ENPP2: variants seen among roughly 807,000 people sequenced by gnomAD.
ENPP2 encodes autotaxin.
ENPP2 carries 51 observed loss-of-function variants against 120.2 expected under a neutral mutation model. The ratio of observed to expected loss-of-function variants is 0.42; its 90% CI spans 0.34 to 0.54. The LOEUF (loss-of-function observed/expected upper bound fraction) is 0.54, where lower values mean the gene tolerates loss of function less well. Ranked by LOEUF, ENPP2 falls within the 20% of genes least tolerant of loss-of-function variation. ENPP2 has a pLI of 0.04. For missense variants in ENPP2, 920 were observed against 1,066.5 expected (o/e 0.86, Z 1.91); for synonymous variants, 365 against 366.4 (o/e 1.00, Z 0.04).
At chr8:119,597,374 A>T (rs1813971276) in intron 11 of ENPP2, among the ~76,000 whole-genome samples, 1 of 152,196 alleles carries the variant, frequency 6.6e-6, no homozygotes, top group Non-Finnish European at 1.5e-5. Context: ...GACTCCAAAG[A>T]TGAGCCCTTC....
At chr8:119,613,323 G>C in intron 8 of ENPP2, among the ~76,000 whole-genome samples, 2 of 152,268 alleles carry the variant, frequency 1.3e-5, no homozygotes, top group South Asian at 4.1e-4. Flanking sequence ...AATTATAAAA[G>C]ACTAAATTAA....
At chr8:119,667,387 C>T (rs567072362) in intron 1 of ENPP2, among the ~76,000 whole-genome samples, 9 of 152,246 alleles carry the variant, frequency 5.9e-5, no homozygotes, top group African/African-American at 2.2e-4. Context: ...TTGTATTGAG[C>T]TGAAATGTAT....
chr8:119,586,672 C>T (rs1256583055), intron 14 of ENPP2, among the ~76,000 whole-genome samples: 1 of 152,024 alleles, frequency 6.6e-6, no homozygotes, highest in African/African-American at 2.4e-5. Context: ...TGGGTTTAGG[C>T]TTATCTGATT....
At chr8:119,609,064 AG>A (rs1366305917) in intron 8 of ENPP2, among the ~76,000 whole-genome samples, 1 of 152,224 alleles carries the variant, frequency 6.6e-6, no homozygotes, top group African/African-American at 2.4e-5. Context: ...AATTGTAGCC[AG>A]CCCCTTTTCT....
chr8:119,569,049 G>A (rs1270198016), intron 21 of ENPP2, among the ~76,000 whole-genome samples, 186 bp downstream of exon 21: 3 of 152,184 alleles, frequency 2.0e-5, no homozygotes, highest in South Asian at 4.1e-4. Context: ...TTCCCCTGGA[G>A]AATTAGATTT....
chr8:119,571,152 A>AT (rs1016644336), intron 19 of ENPP2: 34 of 179,136 alleles, frequency 1.9e-4, no homozygotes, highest in Non-Finnish European at 3.7e-4. Flanking sequence ...TTTTGAAATG[A>AT]TTCAGCTGAA....
intron 1 of ENPP2, among the ~76,000 whole-genome samples, chr8:119,645,072 T>C (rs1817402567): frequency 6.6e-6 from 1 of 152,116 alleles, no homozygotes; most frequent in African/African-American, 2.4e-5. Flanking sequence ...TACCCTCCAG[T>C]CTCACTCACA....
chr8:119,671,758 T>C (rs1458841684), intron 1 of ENPP2, among the ~76,000 whole-genome samples: 1 of 152,132 alleles, frequency 6.6e-6, no homozygotes, highest in African/African-American at 2.4e-5. Flanking sequence ...CATGTATATG[T>C]AGTGGTTAAA....
At chr8:119,624,496 A>G (rs1440621562) in intron 3 of ENPP2, among the ~76,000 whole-genome samples, 1 of 152,172 alleles carries the variant, frequency 6.6e-6, no homozygotes, top group African/African-American at 2.4e-5. Flanking sequence ...AAAAATGCAC[A>G]TATACTTTGA....
Position 119,557,571 on chromosome 8 carries a change from C to T in ENPP2, c.2542G>A (p.Glu848Lys). 1 of 1,613,230 alleles carries T rather than the reference C, an allele frequency of 6.2e-7. No homozygotes were observed. The change falls in exon 25 of 25, where the codon GAA (glutamate) becomes AAA (lysine). Residue 848 changes from glutamate to lysine, a missense_variant. Physicochemically the swap from Glu to Lys is moderately conservative, Grantham distance 56 (BLOSUM62 1). Transcript: ENST00000075322. Reference protein sequence around the residue: ...FFRKTSRSYPEILTLKTYLHT... With the variant: ...FFRKTSRSYPKILTLKTYLHT... ...AGGTATGTCTTGAGTGTCAGGATTT[C>T]TGGGTAGCTGCGGCTGGTCTTTCGG...
At chr8:119,648,862 T>C (rs980350654) in intron 1 of ENPP2, among the ~76,000 whole-genome samples, 3 of 152,220 alleles carry the variant, frequency 2.0e-5, no homozygotes, top group Non-Finnish European at 4.4e-5. Context: ...GTCAACTTTG[T>C]ACTTCCAGCC....
At chr8:119,621,118 A>G (rs867112322) in intron 4 of ENPP2, among the ~76,000 whole-genome samples, 28 of 152,366 alleles carry the variant, frequency 1.8e-4, no homozygotes, top group African/African-American at 6.5e-4. Flanking sequence ...CTGCTTCTAG[A>G]AAACTTGACC....
intron 23 of ENPP2, among the ~76,000 whole-genome samples, chr8:119,563,268 T>C (rs1395863887): frequency 1.3e-5 from 2 of 152,108 alleles, no homozygotes; most frequent in Non-Finnish European, 2.9e-5. Context: ...GATCTAAGAA[T>C]TGGAGACAGG....
Position 119,601,468 on chromosome 8 carries a change from G to A in ENPP2, c.834-6C>T, listed in dbSNP as rs1814301544. 1 of 1,611,412 alleles carries A rather than the reference G, an allele frequency of 6.2e-7. No individual in the cohort carries two copies. The highest frequency in any genetic ancestry group is 1.3e-5 in the African/African-American group (1 of 74,856). ...TCCGCTCGTGAGGGATGACACTGGA[G>A]GGTAAAAGCAAGCAAAGCATGTTGT... is the stretch of plus-strand genomic sequence containing the variant. On this transcript the variant is annotated splice_region_variant and splice_polypyrimidine_tract_variant and intron_variant, in intron 9 of 24. Transcript: ENST00000075322.
chr8:119,659,117 C>A lies in ENPP2; in HGVS notation c.21+14135G>T, dbSNP rs566814128. On this transcript the variant is annotated intron_variant, in intron 1 of 25. Coordinates refer to the ENPP2 transcript ENST00000427067. ...ATTGCTTGAGGCCAGGAGTTCAAGA[C>A]CAGCCTGGGCAACATGGCAAAACCC... Among the ~76,000 whole-genome samples, 5 of 152,080 alleles carry A rather than the reference C, an allele frequency of 3.3e-5. No homozygotes were observed. The South Asian group carries it at 1.0e-3, about 32-fold the overall frequency.
At chr8:119,656,964 G>C (rs540432250) in intron 1 of ENPP2, among the ~76,000 whole-genome samples, 1 of 151,694 alleles carries the variant, frequency 6.6e-6, no homozygotes, top group African/African-American at 2.4e-5. Flanking sequence ...GTCTCATTCC[G>C]TTGCCCAGGC....
intron 11 of ENPP2, chr8:119,595,821 A>C (rs199915531): frequency 1.8e-4 from 294 of 1,611,938 alleles, no homozygotes; most frequent in Non-Finnish European, 2.2e-4. Flanking sequence ...CCCGCCACAA[A>C]GCTTTGGAAC....
Position 119,671,030 on chromosome 8 carries a change from T to C in ENPP2, c.21+2222A>G, listed in dbSNP as rs1477041064. On this transcript the variant is annotated intron_variant, in intron 1 of 25. Coordinates refer to the ENPP2 transcript ENST00000427067. ...GTCTGGGCACAGTGGCTCACGCCTGTAATCCTAGCATTTTGGGAGGCCGAG... is the reference window on the plus strand; with the variant it reads ...GTCTGGGCACAGTGGCTCACGCCTGCAATCCTAGCATTTTGGGAGGCCGAG... 4.6e-5 allele frequency among the ~76,000 whole-genome samples: 7 copies of C among 151,332 alleles called. No homozygotes were observed. In the South Asian group the frequency reaches 1.3e-3, roughly 27 times the overall value.
intron 1 of ENPP2, among the ~76,000 whole-genome samples, chr8:119,654,306 A>G (rs962089368): frequency 9.9e-5 from 14 of 142,090 alleles, no homozygotes; most frequent in Admixed American, 2.9e-4. Context: ...GTATCTATAT[A>G]TAATACTTAA....
Sources: gnomAD v4.1 joint callset for allele counts (sites outside exome capture counted in the v4.1 genomes callset) on GRCh38, gnomAD v4.1.1 for gene constraint, MANE v1.5 for transcripts, NCBI Gene and HGNC (gene_info 2026-07-23, HGNC 2026-07-21) for gene names.